CEP250: variants seen among roughly 807,000 people sequenced by gnomAD.
CEP250 encodes the protein centrosomal protein 250, also known as centrosome-associated protein CEP250.
In CEP250, 242 loss-of-function variants were observed where a neutral mutation model predicts 315.7. That is an observed-to-expected ratio of 0.77 (90% CI 0.69 to 0.85). CEP250 has a LOEUF of 0.85. CEP250 is among the 40% of genes least tolerant of loss of function. The pLI is 0.00. For missense variants in CEP250, 2,515 were observed against 2,886.4 expected, an observed-to-expected ratio of 0.87 and a Z score of 2.95; for synonymous variants, 1,088 against 1,175.0, an observed-to-expected ratio of 0.93 and a Z score of 1.51.
At chr20:35,473,784 C>A in intron 13 of CEP250, 86 bp from the exon 14 acceptor site, 2 of 1,247,132 alleles carry the variant, frequency 1.6e-6, no homozygotes, top group Non-Finnish European at 2.2e-6. Context: ...GATGTTGAAA[C>A]AGGGTCTCTT....
intron 4 of CEP250, among the ~76,000 whole-genome samples, chr20:35,462,844 C>T (rs2062787391): frequency 6.6e-6 from 1 of 152,142 alleles, no homozygotes; most frequent in African/African-American, 2.4e-5. Flanking sequence ...TCGCTGCAGC[C>T]TCAACCTCCT....
rs2064118728 is a variant in CEP250 at position 35,504,341 on chromosome 20, G to A, written c.5972G>A (p.Ser1991Asn). ...CATCTCCTCGAGCAGGCAGAATTGA[G>A]CCGCAGTCTGGAGGCCAGCACTGCA... is the stretch of plus-strand genomic sequence containing the variant. ...EQHLLEQAELSRSLEASTATL... is the reference protein window; with the variant it reads ...EQHLLEQAELNRSLEASTATL... Residue 1991 changes from serine (S) to asparagine (N), a missense_variant, in exon 30 of 35, where the codon AGC (serine) becomes AAC (asparagine). Ser to Asn is a conservative substitution (Grantham distance 46, BLOSUM62 1). Transcript: ENST00000397527. 1 of 1,593,228 alleles carries A rather than the reference G, an allele frequency of 6.3e-7. No homozygotes were observed. Among genetic ancestry groups the A allele is most frequent in the Admixed American group, 1.8e-5 (1 of 56,428 alleles).
chr20:35,501,705 C>T, intron 28 of CEP250, 140 bp from the exon 29 acceptor site: 1 of 916,792 alleles, frequency 1.1e-6, no homozygotes, highest in Non-Finnish European at 1.6e-6. Flanking sequence ...ATCTCTAGGA[C>T]ACTGGATATA....
At position 35,504,826 on chromosome 20, in the gene CEP250, G is replaced by A. The variant is rs200961999; in HGVS notation, c.6457G>A (p.Glu2153Lys). 6.2e-7 allele frequency: 1 copy of A among 1,613,328 alleles called. No homozygotes were observed. Among genetic ancestry groups the A allele is most frequent in the Non-Finnish European group, 8.5e-7 (1 of 1,179,150 alleles). The change falls in exon 30 of 35, where the codon GAG becomes AAG. Residue 2153 changes from glutamate to lysine, a missense_variant. Glu to Lys is a moderately conservative substitution (Grantham distance 56). Transcript: ENST00000397527. ...SLEPRLQREL[E>K]RLQAALRQTE... is the part of the protein sequence containing the mutation. Reference sequence around the variant, plus strand: ...AGAGCCCAGGCTGCAGCGGGAGCTGGAGCGGCTACAGGCAGCCCTGAGACA... The same window carrying A: ...AGAGCCCAGGCTGCAGCGGGAGCTGAAGCGGCTACAGGCAGCCCTGAGACA...
chr20:35,482,914 C>T (rs2063392295), intron 20 of CEP250, among the ~76,000 whole-genome samples: 2 of 152,158 alleles, frequency 1.3e-5, no homozygotes, highest in African/African-American at 4.8e-5. Flanking sequence ...TCTTAGACAT[C>T]CTGAATTTAA....
chr20:35,508,970 A>G lies in CEP250; in HGVS notation c.6934A>G (p.Arg2312Gly). 1 of 1,556,762 alleles carries G rather than the reference A, an allele frequency of 6.4e-7. No homozygotes were observed. The highest frequency in any genetic ancestry group is 8.7e-7 in the Non-Finnish European group (1 of 1,149,496). ...QVERERRKLK[R>G]EAMRAAQAGS... Reference sequence around the variant, plus strand: ...GGAGCGAGAACGGAGGAAGCTGAAGAGGGAGGCCATGCGTGCGGCCCAGGC... The same window carrying G: ...GGAGCGAGAACGGAGGAAGCTGAAGGGGGAGGCCATGCGTGCGGCCCAGGC... The change falls in exon 33 of 35, where the codon AGG (arginine) becomes GGG (glycine). Residue 2312 changes from arginine to glycine, a missense_variant. By Grantham distance (125) the Arg-to-Gly change is moderately radical (BLOSUM62 -2). Coordinates refer to ENST00000397527, the MANE Select transcript of CEP250 (RefSeq NM_007186.6).
chr20:35,491,957 G>T (rs1268449902), intron 22 of CEP250, among the ~76,000 whole-genome samples: 1 of 149,656 alleles, frequency 6.7e-6, no homozygotes, highest in African/African-American at 2.5e-5. Flanking sequence ...CATTGCCCCT[G>T]CTCTCAAGGA....
rs1207404389 is a variant in CEP250 at position 35,479,986 on chromosome 20, G to A, written c.2427G>A (p.Arg809=). 2.5e-6 allele frequency: 4 copies of A among 1,613,710 alleles called. No individual in the cohort carries two copies. The highest frequency in any genetic ancestry group is 1.7e-5 in the Admixed American group (1 of 59,994). ...QAKEVIQGEV[R]CLKLELDTER... ...TCCCTGGCATGTTAGGGGAAGTGAG[G>A]TGCCTGAAGCTGGAACTGGACACTG... The change falls in exon 20 of 35, where the codon AGG becomes AGA. Residue 809 remains arginine (R), a synonymous_variant. Transcript: ENST00000397527.
At chr20:35,500,016 A>G (rs2063957371) in intron 27 of CEP250, 33 bp from the exon 28 acceptor site, 1 of 1,613,432 alleles carries the variant, frequency 6.2e-7, no homozygotes, top group African/African-American at 1.3e-5. Flanking sequence ...GAAGATGAGG[A>G]ACTCACGTTT....
At chr20:35,467,927 A>C (rs968245582) in intron 9 of CEP250, among the ~76,000 whole-genome samples, 24 of 147,056 alleles carry the variant, frequency 1.6e-4, no homozygotes, top group Admixed American at 7.5e-4. Flanking sequence ...TCTAAGACAT[A>C]GTTCAAATAT....
chr20:35,465,754 C>A lies in CEP250; in HGVS notation c.255C>A (p.Pro85=), dbSNP rs558154821. 4 of 1,604,310 alleles carry A rather than the reference C, an allele frequency of 2.5e-6. No individual in the cohort carries two copies. In the African/African-American group the frequency reaches 4.0e-5, roughly 16 times the overall value. Residue 85 remains proline, a synonymous_variant, in exon 6 of 35, where the codon CCC becomes CCA. Coordinates refer to ENST00000397527, the MANE Select transcript of CEP250 (RefSeq NM_007186.6). Reference sequence around the variant, plus strand: ...TCTGTCTGGCGCAGGGACCAATCCCCCAGAGGTGGGAAAATGTGGAGGAGC... The same window carrying A: ...TCTGTCTGGCGCAGGGACCAATCCCACAGAGGTGGGAAAATGTGGAGGAGC... ...KRLEATGGPI[P]QRWENVEEPN... is the part of the protein sequence containing the mutation.
chr20:35,468,866 G>A (rs1228343058), intron 9 of CEP250, among the ~76,000 whole-genome samples: 1 of 151,962 alleles, frequency 6.6e-6, no homozygotes, highest in Non-Finnish European at 1.5e-5. Context: ...TTGTAGAGAC[G>A]GGGTCTCACT....
Position 35,455,624 on chromosome 20 carries a change from G to A in CEP250, c.-425G>A, listed in dbSNP as rs1357333033. The A allele has an allele frequency of 6.6e-6, 1 of 152,194 alleles. No individual in the cohort carries two copies. Among genetic ancestry groups the A allele is most frequent in the Non-Finnish European group, 1.5e-5 (1 of 68,088 alleles). The allele number at this position is 152,194 out of a possible 1,614,324, so 9.4% of individuals were successfully genotyped here. The stretch of plus-strand genomic sequence containing the variant: ...GTCCCACCCGCCACCCGACTCTGGA[G>A]CTCCCATTCTTCAGGACCCTGCTGA... On this transcript the variant is annotated 5_prime_UTR_variant, in exon 1 of 35. Coordinates refer to ENST00000397527, the MANE Select transcript of CEP250 (RefSeq NM_007186.6).
At chr20:35,477,416 A>G (rs2063205001) in intron 16 of CEP250, among the ~76,000 whole-genome samples, 1 of 152,180 alleles carries the variant, frequency 6.6e-6, no homozygotes, top group Non-Finnish European at 1.5e-5. Context: ...CAGCCTCCTG[A>G]AGTCCTGGGA....
intron 2 of CEP250, among the ~76,000 whole-genome samples, chr20:35,459,695 C>T (rs1311370571): frequency 6.6e-6 from 1 of 151,860 alleles, no homozygotes; most frequent in African/African-American, 2.4e-5. Flanking sequence ...AGGATCCCTT[C>T]AGCCCAGGAA....
In CEP250 at chr20:35,511,658, C is replaced by T. The variant is rs771711428; in HGVS notation, c.*32C>T. On this transcript the variant is annotated 3_prime_UTR_variant, in exon 35 of 35. Coordinates refer to ENST00000397527, the MANE Select transcript of CEP250 (RefSeq NM_007186.6). Reference sequence around the variant, plus strand: ...CAGCCAGGAGCACACAGACAGAAGACTGTGTCATGGGTCATGGCCCCTCCG... The same window carrying T: ...CAGCCAGGAGCACACAGACAGAAGATTGTGTCATGGGTCATGGCCCCTCCG... 1.3e-6 allele frequency: 2 copies of T among 1,592,852 alleles called. No homozygotes were observed. The highest frequency in any genetic ancestry group is 1.1e-5 in the South Asian group (1 of 88,182).
rs1275760484 is a variant in CEP250 at position 35,504,554 on chromosome 20, A to G, written c.6185A>G (p.Glu2062Gly). ...CAGCAGGAACGGGAGCAGCTGCTGG[A>G]GAAGTCTCTGGCCCAGAGGGTCCAA... ...RHQQEREQLL[E>G]KSLAQRVQEN... Residue 2062 changes from glutamate (E) to glycine (G), a missense_variant, in exon 30 of 35, where the codon GAG (glutamate) becomes GGG (glycine). Transcript: ENST00000397527. 6.2e-7 allele frequency: 1 copy of G among 1,614,128 alleles called. No homozygotes were observed. Among genetic ancestry groups the G allele is most frequent in the South Asian group, 1.1e-5 (1 of 91,086 alleles).
At position 35,503,393 on chromosome 20, in the gene CEP250, C is replaced by G; in HGVS notation, c.5024C>G (p.Thr1675Ser). The G allele has an allele frequency of 6.2e-7, 1 of 1,614,110 alleles. No individual in the cohort carries two copies. Among genetic ancestry groups the G allele is most frequent in the South Asian group, 1.1e-5 (1 of 91,078 alleles). ...ERIQVLEDQR[T>S]RQTKILEEDL... ...ATTCAGGTTCTCGAGGATCAGAGGA[C>G]CCGGCAGACCAAGATCCTGGAGGAG... The change falls in exon 30 of 35, where the codon ACC becomes AGC. Residue 1675 changes from threonine (T) to serine (S), a missense_variant. Coordinates refer to ENST00000397527, the MANE Select transcript of CEP250 (RefSeq NM_007186.6). This position sits in a 1 kb window ranked among gnomAD's most constrained non-coding sequence, Gnocchi z 4.2.
At chr20:35,461,395 C>T (rs2062751936) in intron 3 of CEP250, among the ~76,000 whole-genome samples, 1 of 151,928 alleles carries the variant, frequency 6.6e-6, no homozygotes, top group South Asian at 2.1e-4. Flanking sequence ...ACACCCAGAA[C>T]TCTTTACCAC....
Sources: gnomAD v4.1 joint callset for allele counts (sites outside exome capture counted in the v4.1 genomes callset) on GRCh38, gnomAD v4.1.1 for gene constraint, Gnocchi (gnomAD v3.1) non-coding constraint, MANE v1.5 for transcripts, NCBI Gene and HGNC (gene_info 2026-07-23, HGNC 2026-07-21) for gene names.